CDK15: variants seen among roughly 807,000 people sequenced by gnomAD.
CDK15 encodes the protein cyclin-dependent kinase 15.
A neutral mutation model predicts 60.3 loss-of-function variants in CDK15; 62 were observed. The ratio of observed to expected loss-of-function variants is 1.03; its 90% CI spans 0.84 to 1.27. CDK15 has a LOEUF of 1.27. Among genes scored for constraint, CDK15 ranks in the 50% most tolerant of loss-of-function variants. The pLI is 0.00. For synonymous variants in CDK15, 194 were observed against 195.7 expected, an observed-to-expected ratio of 0.99 and a Z score of 0.07; for missense variants, 541 against 527.8, an observed-to-expected ratio of 1.03 and a Z score of -0.25.
At chr2:201,823,775 G>A (rs1696339112) in intron 6 of CDK15, 48 bp downstream of exon 6, 1 of 1,521,120 alleles carries the variant, frequency 6.6e-7, no homozygotes, top group Admixed American at 1.7e-5. Flanking sequence ...CCCACAGAAG[G>A]AGAATTCTGA....
At chr2:201,876,651 A>C in intron 11 of CDK15, 1 of 1,052,612 alleles carries the variant, frequency 9.5e-7, no homozygotes, top group South Asian at 1.3e-5. Flanking sequence ...AAACCACCAG[A>C]AGCCCTGAAA....
In CDK15 at chr2:201,885,058, G is replaced by A. The variant is rs545036632; in HGVS notation, c.1198+4891G>A. Among the ~76,000 whole-genome samples, 57 of 152,264 alleles carry A rather than the reference G, an allele frequency of 3.7e-4. 1 individual carries two copies. The highest frequency in any genetic ancestry group is 7.1e-4 in the Non-Finnish European group (48 of 68,012). On this transcript the variant is annotated intron_variant, in intron 12 of 13. Coordinates refer to ENST00000652192, the MANE Select transcript of CDK15 (RefSeq NM_001366386.2). The stretch of plus-strand genomic sequence containing the variant: ...GGATGATTGGAGAGGAAGGGCATAC[G>A]GGCAAAGGAATGTCGTGTTCCTCTC...
intron 11 of CDK15, among the ~76,000 whole-genome samples, chr2:201,879,646 C>T (rs748577878): frequency 6.6e-6 from 1 of 152,138 alleles, no homozygotes; most frequent in Non-Finnish European, 1.5e-5. Flanking sequence ...TCTCAGAGTT[C>T]GATCGTATTT....
intron 6 of CDK15, among the ~76,000 whole-genome samples, chr2:201,826,251 GA>G (rs1696484978): frequency 1.3e-5 from 2 of 152,070 alleles, no homozygotes; most frequent in South Asian, 4.2e-4. Flanking sequence ...ACAAGGTCAG[GA>G]GATCAAGACC....
At chr2:201,810,051 CAAA>C (rs113542168) in intron 3 of CDK15, among the ~76,000 whole-genome samples, 2 of 119,634 alleles carry the variant, frequency 1.7e-5, no homozygotes, top group African/African-American at 3.1e-5. Context: ...GACACTGTCT[CAAA>C]AAAAAAAAAA....
chr2:201,807,404 A>G, intron 1 of CDK15, 90 bp from the exon 2 acceptor site: 1 of 1,358,668 alleles, frequency 7.4e-7, no homozygotes, highest in Non-Finnish European at 1.0e-6. Context: ...TGAAGAGTGA[A>G]AATGAGGCAA....
chr2:201,806,720 G>C lies in CDK15; in HGVS notation c.56G>C (p.Cys19Ser). ...TVQPGCSCYHCSEGGEAHSCR... is the reference protein window; with the variant it reads ...TVQPGCSCYHSSEGGEAHSCR... ...CAGCCTGGATGCAGCTGCTACCATT[G>C]TTCAGAGGGAGGCGAGGCACACAGC... The change falls in exon 1 of 14, where the codon TGT (cysteine) becomes TCT (serine). Residue 19 changes from cysteine to serine, a missense_variant. Physicochemically the swap from Cys to Ser is moderately radical, Grantham distance 112. Transcript: ENST00000652192. 6.3e-7 allele frequency: 1 copy of C among 1,598,328 alleles called. No individual in the cohort carries two copies. Among genetic ancestry groups the C allele is most frequent in the Non-Finnish European group, 8.5e-7 (1 of 1,179,700 alleles).
intron 1 of CDK15, among the ~76,000 whole-genome samples, chr2:201,807,004 C>T (rs552536200): frequency 3.3e-5 from 5 of 152,150 alleles, no homozygotes; most frequent in South Asian, 4.1e-4. Flanking sequence ...TTGGGCTGCA[C>T]GAAACTCACT....
At chr2:201,883,023 G>A (rs1460091165) in intron 12 of CDK15, among the ~76,000 whole-genome samples, 3 of 152,192 alleles carry the variant, frequency 2.0e-5, no homozygotes, top group Non-Finnish European at 4.4e-5. Flanking sequence ...TCCCTGAGGA[G>A]GGCTGCCCCA....
chr2:201,812,060 G>A (rs1695792519), intron 3 of CDK15, among the ~76,000 whole-genome samples: 1 of 151,598 alleles, frequency 6.6e-6, no homozygotes, highest in Non-Finnish European at 1.5e-5. Flanking sequence ...TGTAATCCCA[G>A]CTTCTTGGGA....
chr2:201,837,282 C>T (rs1008314654), intron 8 of CDK15, among the ~76,000 whole-genome samples: 6 of 134,328 alleles, frequency 4.5e-5, no homozygotes, highest in Admixed American at 2.5e-4. Flanking sequence ...AGCGAGACCC[C>T]GTCTGAAAGA....
In CDK15 at chr2:201,847,476, T is replaced by C; in HGVS notation, c.945+2T>C. ...GAACAGCTGGAGAAAATCTGGGAGGTAGGAGAATAATTCTTCTAAAGAAAA... is the reference window on the plus strand; with the variant it reads ...GAACAGCTGGAGAAAATCTGGGAGGCAGGAGAATAATTCTTCTAAAGAAAA... On this transcript the variant is annotated splice_donor_variant, in intron 9 of 13. Coordinates refer to ENST00000652192, the MANE Select transcript of CDK15 (RefSeq NM_001366386.2). LOFTEE classifies it high-confidence loss of function. 1 of 1,612,178 alleles carries C rather than the reference T, an allele frequency of 6.2e-7. No homozygotes were observed. The highest frequency in any genetic ancestry group is 1.3e-5 in the African/African-American group (1 of 74,980).
At chr2:201,861,330 CAG>C (rs1664090386) in intron 10 of CDK15, 7 of 988,500 alleles carry the variant, frequency 7.1e-6, no homozygotes, top group Middle Eastern at 5.2e-4. Flanking sequence ...GATGAGGAAA[CAG>C]AGGCTTTCTC....
intron 4 of CDK15, among the ~76,000 whole-genome samples, chr2:201,821,637 G>A (rs531653165): frequency 2.0e-5 from 3 of 152,118 alleles, no homozygotes; most frequent in East Asian, 3.9e-4. Flanking sequence ...TTAAAGACAC[G>A]ATTTCTTCAT....
chr2:201,870,589 C>T (rs953616329), intron 10 of CDK15, among the ~76,000 whole-genome samples: 2 of 150,704 alleles, frequency 1.3e-5, no homozygotes, highest in South Asian at 2.1e-4. Context: ...AAAAAACAGA[C>T]GTGGTGGTGT....
At position 201,819,792 on chromosome 2, in the gene CDK15, A is replaced by C. The variant is rs117156909; in HGVS notation, c.449-3017A>C. 1.4e-4 allele frequency among the ~76,000 whole-genome samples: 22 copies of C among 152,362 alleles called. No individual in the cohort carries two copies. In the East Asian group the frequency reaches 4.0e-3, roughly 28 times the overall value. ...CTTCATAAAATGGATGAATGGTTAA[A>C]AAGATTTCCGCAAAGAAACTGTGGG... On this transcript the variant is annotated intron_variant, in intron 4 of 13. Transcript: ENST00000652192.
In CDK15 at chr2:201,811,173, C is replaced by T. The variant is rs1439177492; in HGVS notation, c.369-1310C>T. ...TATGCACTTTTTTTTTTTTTTGAGACGGAGTCTTGCTCTGTCGCCCAGGCT... is the reference window on the plus strand; with the variant it reads ...TATGCACTTTTTTTTTTTTTTGAGATGGAGTCTTGCTCTGTCGCCCAGGCT... On this transcript the variant is annotated intron_variant, in intron 3 of 13. Transcript: ENST00000652192. Among the ~76,000 whole-genome samples the T allele has an allele frequency of 8.3e-5, 10 of 120,236 alleles. No homozygotes were observed. The East Asian group carries it at 1.5e-3, about 18-fold the overall frequency. 78.9% of individuals were successfully genotyped at this position (120,236 alleles called of 152,430 possible).
intron 11 of CDK15, among the ~76,000 whole-genome samples, chr2:201,877,332 G>A (rs1699114133): frequency 6.6e-6 from 1 of 152,188 alleles, no homozygotes; most frequent in African/African-American, 2.4e-5. Context: ...TTAATGCTGG[G>A]GGAGTATTCG....
intron 6 of CDK15, among the ~76,000 whole-genome samples, chr2:201,833,385 G>T (rs1038866295): frequency 6.6e-6 from 1 of 151,986 alleles, no homozygotes; most frequent in Non-Finnish European, 1.5e-5. Flanking sequence ...CTTGTGTTGT[G>T]TTTTTAAAAG....
Sources: gnomAD v4.1 joint callset for allele counts (sites outside exome capture counted in the v4.1 genomes callset) on GRCh38, gnomAD v4.1.1 for gene constraint, MANE v1.5 for transcripts, NCBI Gene and HGNC (gene_info 2026-07-23, HGNC 2026-07-21) for gene names.